ATG10: variants seen among roughly 807,000 people sequenced by gnomAD.
ATG10 encodes the protein autophagy related 10, also known as ubiquitin-like-conjugating enzyme ATG10.
Under a neutral mutation model 32.1 loss-of-function variants are expected in ATG10, and 30 were observed. The ratio of observed to expected loss-of-function variants is 0.94; its 90% CI spans 0.70 to 1.27. ATG10 has a LOEUF of 1.27. Among genes scored for constraint, ATG10 ranks in the 50% most tolerant of loss-of-function variants. The pLI, the probability that ATG10 is intolerant of heterozygous loss-of-function variation, is 0.00. For synonymous variants in ATG10, 87 were observed against 91.5 expected (o/e 0.95, Z 0.28); for missense variants, 233 against 262.3 (o/e 0.89, Z 0.77).
At chr5:82,075,446 T>A (rs1764244729) in intron 3 of ATG10, among the ~76,000 whole-genome samples, 1 of 152,212 alleles carries the variant, frequency 6.6e-6, no homozygotes, top group South Asian at 2.1e-4. Context: ...TTATTTAGTT[T>A]GTATTTAGTT....
At chr5:82,011,609 C>T (rs932431513) in intron 2 of ATG10, among the ~76,000 whole-genome samples, 8 of 152,234 alleles carry the variant, frequency 5.3e-5, no homozygotes, top group Admixed American at 5.2e-4. Context: ...CTCAACGTTA[C>T]ATTTGTGCAT....
intron 3 of ATG10, among the ~76,000 whole-genome samples, chr5:82,109,986 T>A (rs1479251306): frequency 3.4e-5 from 5 of 148,166 alleles, no homozygotes; most frequent in Non-Finnish European, 7.5e-5. Context: ...TGTGTGATGT[T>A]CCCCTTCCTG....
intron 3 of ATG10, among the ~76,000 whole-genome samples, chr5:82,084,096 C>T (rs549882875): frequency 1.2e-4 from 19 of 152,208 alleles, no homozygotes; most frequent in South Asian, 6.2e-4. Flanking sequence ...AAAGATTAGA[C>T]GAATGGCTAA....
At chr5:82,193,924 T>G (rs1208173166) in intron 5 of ATG10, among the ~76,000 whole-genome samples, 1 of 152,218 alleles carries the variant, frequency 6.6e-6, no homozygotes, top group Non-Finnish European at 1.5e-5. Context: ...TTTAGGAGAA[T>G]TAAGTCGTAA....
intron 3 of ATG10, among the ~76,000 whole-genome samples, chr5:82,084,215 T>G (rs1764585279): frequency 6.6e-6 from 1 of 151,938 alleles, no homozygotes; most frequent in Non-Finnish European, 1.5e-5. Context: ...TCTGATCAAG[T>G]GGAAGAAAGG....
intron 4 of ATG10, among the ~76,000 whole-genome samples, chr5:82,166,198 C>T (rs776842666): frequency 6.6e-5 from 10 of 152,138 alleles, no homozygotes; most frequent in African/African-American, 9.7e-5. Context: ...CCTTTCTTCA[C>T]GATTTTCTAT....
At chr5:82,182,068 C>T (rs1259147206) in intron 5 of ATG10, among the ~76,000 whole-genome samples, 1 of 152,096 alleles carries the variant, frequency 6.6e-6, no homozygotes, top group East Asian at 1.9e-4. Context: ...AAGGTGTTGG[C>T]TCTATGTTTT....
intron 3 of ATG10, among the ~76,000 whole-genome samples, chr5:82,113,491 G>A: frequency 6.6e-6 from 1 of 151,852 alleles, no homozygotes; most frequent in Non-Finnish European, 1.5e-5. Context: ...TATTGGGAAT[G>A]ATATTTTATA....
At chr5:82,146,258 C>T (rs1452387607) in intron 3 of ATG10, among the ~76,000 whole-genome samples, 3 of 151,950 alleles carry the variant, frequency 2.0e-5, no homozygotes, top group Non-Finnish European at 2.9e-5. Context: ...GCTTTTTGGC[C>T]TTCATTGTTT....
intron 4 of ATG10, among the ~76,000 whole-genome samples, chr5:82,172,618 T>C (rs1200872359): frequency 6.6e-6 from 1 of 152,180 alleles, no homozygotes; most frequent in East Asian, 1.9e-4. Flanking sequence ...CAAGGGTACA[T>C]AGAAAACTGT....
At chr5:82,233,946 G>C (rs1223786947) in intron 5 of ATG10, among the ~76,000 whole-genome samples, 1 of 152,192 alleles carries the variant, frequency 6.6e-6, no homozygotes, top group African/African-American at 2.4e-5. Flanking sequence ...AGACCCTGCA[G>C]CTTATACACC....
intron 2 of ATG10, among the ~76,000 whole-genome samples, chr5:82,027,041 A>G (rs1762612328): frequency 6.6e-6 from 1 of 151,724 alleles, no homozygotes. Context: ...CCTGGGCAAC[A>G]GAGCAAGACT....
intron 5 of ATG10, among the ~76,000 whole-genome samples, chr5:82,211,005 A>G (rs1745472369): frequency 6.6e-6 from 1 of 152,192 alleles, no homozygotes; most frequent in African/African-American, 2.4e-5. Flanking sequence ...CTAGGATTCT[A>G]TTAAATGAGC....
intron 2 of ATG10, among the ~76,000 whole-genome samples, chr5:82,032,956 G>A (rs1002062468): frequency 6.6e-6 from 1 of 152,066 alleles, no homozygotes; most frequent in Admixed American, 6.6e-5. Context: ...GTTTGGGATG[G>A]AGCTCATGCA....
At chr5:82,100,259 G>A (rs537307296) in intron 3 of ATG10, among the ~76,000 whole-genome samples, 2 of 151,930 alleles carry the variant, frequency 1.3e-5, no homozygotes, top group East Asian at 3.9e-4. Context: ...CACCTGCCTC[G>A]GCCTCCCAAA....
At chr5:82,205,311 T>C (rs1745248826) in intron 5 of ATG10, among the ~76,000 whole-genome samples, 1 of 152,070 alleles carries the variant, frequency 6.6e-6, no homozygotes, top group South Asian at 2.1e-4. Context: ...TTTTGATGAA[T>C]TGGGAGAGGA....
At chr5:82,121,153 G>C (rs1766025719) in intron 3 of ATG10, among the ~76,000 whole-genome samples, 2 of 152,118 alleles carry the variant, frequency 1.3e-5, no homozygotes, top group African/African-American at 4.8e-5. Context: ...TTGTGTAAAA[G>C]GAATTGTAAC....
In ATG10 at chr5:82,191,244, G is replaced by A. The variant is rs77883869; in HGVS notation, c.453+12657G>A. Among the ~76,000 whole-genome samples the A allele has an allele frequency of 1.5e-3, 224 of 152,252 alleles. 2 individuals carry two copies. The East Asian group carries it at 0.019, about 13-fold the overall frequency. The stretch of plus-strand genomic sequence containing the variant: ...TGTAGGTTTTTCTTGCAATTGATTG[G>A]CACATACATTTTAGACACTGGAGTA... On this transcript the variant is annotated intron_variant, in intron 5 of 7. Coordinates refer to ENST00000282185, the MANE Select transcript of ATG10 (RefSeq NM_031482.5).
chr5:82,029,272 G>T (rs1762679012), intron 2 of ATG10, among the ~76,000 whole-genome samples: 1 of 152,172 alleles, frequency 6.6e-6, no homozygotes, highest in Non-Finnish European at 1.5e-5. Flanking sequence ...ATTAGTGGTT[G>T]CCTAGAGCTG....
Sources: gnomAD v4.1 joint callset for allele counts (sites outside exome capture counted in the v4.1 genomes callset) on GRCh38, gnomAD v4.1.1 for gene constraint, MANE v1.5 for transcripts, NCBI Gene and HGNC (gene_info 2026-07-23, HGNC 2026-07-21) for gene names.